Variants in EPHA6 observed in about 807,000 individuals in gnomAD.
The protein encoded by EPHA6 is ephrin type-A receptor 6.
Under a neutral mutation model 112.0 loss-of-function variants are expected in EPHA6, and 50 were observed. The ratio of observed to expected loss-of-function variants is 0.45; its 90% CI spans 0.36 to 0.56. The LOEUF (loss-of-function observed/expected upper bound fraction) is 0.56, where lower values mean the gene tolerates loss of function less well. Among genes scored for constraint, EPHA6 ranks in the 20% least tolerant of loss-of-function variants. The pLI is 0.00. For synonymous variants in EPHA6, 529 were observed against 490.7 expected, an observed-to-expected ratio of 1.08 and a Z score of -1.03; for missense variants, 1,280 against 1,417.4, an observed-to-expected ratio of 0.90 and a Z score of 1.56.
chr3:97,644,728 A>C (rs2094042324), intron 14 of EPHA6, among the ~76,000 whole-genome samples: 1 of 150,814 alleles, frequency 6.6e-6, no homozygotes. Flanking sequence ...CTCTCCCAAG[A>C]CTAAACCAGG....
chr3:97,423,925 A>T (rs1466134468), intron 6 of EPHA6, among the ~76,000 whole-genome samples: 1 of 152,184 alleles, frequency 6.6e-6, no homozygotes, highest in East Asian at 1.9e-4. Context: ...TCAATCAATG[A>T]TGCAGAAATA....
At chr3:97,555,329 T>G (rs2093090100) in intron 11 of EPHA6, among the ~76,000 whole-genome samples, 1 of 152,120 alleles carries the variant, frequency 6.6e-6, no homozygotes, top group African/African-American at 2.4e-5. Flanking sequence ...CAGTCTATCA[T>G]TGTTGGACAT....
intron 14 of EPHA6, among the ~76,000 whole-genome samples, chr3:97,701,455 T>G (rs144299981): frequency 6.6e-6 from 1 of 152,202 alleles, no homozygotes; most frequent in Non-Finnish European, 1.5e-5. Flanking sequence ...TGAATTGGAG[T>G]GCATTAACAG....
At chr3:97,549,196 T>C (rs1465051851) in intron 11 of EPHA6, among the ~76,000 whole-genome samples, 1 of 152,220 alleles carries the variant, frequency 6.6e-6, no homozygotes, top group African/African-American at 2.4e-5. Context: ...CTATGTGGTT[T>C]ATGCCAGCAG....
intron 5 of EPHA6, among the ~76,000 whole-genome samples, chr3:97,377,659 G>A (rs2085450489): frequency 6.6e-6 from 1 of 152,152 alleles, no homozygotes; most frequent in South Asian, 2.1e-4. Flanking sequence ...AGGCTGAGTT[G>A]GTCTCAGATG....
chr3:97,181,519 A>G (rs541893945), intron 3 of EPHA6, among the ~76,000 whole-genome samples: 2 of 152,168 alleles, frequency 1.3e-5, no homozygotes, highest in East Asian at 1.9e-4. Context: ...ACGGTGCACA[A>G]TAATTCTTGT....
chr3:96,931,385 G>A (rs2040318906), intron 2 of EPHA6, among the ~76,000 whole-genome samples: 1 of 152,136 alleles, frequency 6.6e-6, no homozygotes, highest in South Asian at 2.1e-4. Flanking sequence ...GGCTGAGATG[G>A]CTGAGTCCAC....
intron 14 of EPHA6, among the ~76,000 whole-genome samples, chr3:97,662,074 T>C (rs1212496260): frequency 6.6e-6 from 1 of 152,164 alleles, no homozygotes; most frequent in African/African-American, 2.4e-5. Flanking sequence ...AGTGACCCTT[T>C]GTAGCTCAAA....
chr3:97,298,256 ATGAG>A (rs2080949741), intron 5 of EPHA6, among the ~76,000 whole-genome samples: 1 of 152,154 alleles, frequency 6.6e-6, no homozygotes, highest in Admixed American at 6.6e-5. Context: ...AAACCTAGAG[ATGAG>A]TGAGTTTCAA....
intron 3 of EPHA6, among the ~76,000 whole-genome samples, chr3:97,169,509 A>G (rs1412109321): frequency 1.3e-5 from 2 of 152,062 alleles, no homozygotes; most frequent in East Asian, 3.9e-4. Flanking sequence ...TATTATTAGT[A>G]TCTTGTATGT....
intron 5 of EPHA6, among the ~76,000 whole-genome samples, chr3:97,259,220 G>A (rs1002747269): frequency 3.3e-5 from 5 of 151,788 alleles, no homozygotes; most frequent in Non-Finnish European, 7.4e-5. Flanking sequence ...CACTATATCT[G>A]GTTCAAGTTG....
Position 97,720,223 on chromosome 3 carries a change from C to T in EPHA6, c.2785-38C>T, listed in dbSNP as rs536713190. On this transcript the variant is annotated intron_variant, in intron 14 of 17. Coordinates refer to ENST00000389672, the MANE Select transcript of EPHA6 (RefSeq NM_001080448.3). ...GAATACCATTTTGTTTTTAATACAA[C>T]GATAAGCCAGCTAAGAAATCTCCAA... The T allele has an allele frequency of 3.3e-5, 50 of 1,503,312 alleles. 1 individual carries two copies. Among genetic ancestry groups the T allele is most frequent in the South Asian group, 9.8e-5 (7 of 71,086 alleles). The allele number at this position is 1,503,312 out of a possible 1,614,324, so 93.1% of individuals were successfully genotyped here. A position where few individuals can be genotyped will look rare whatever the true frequency, so the allele number is the denominator to read the frequency against.
chr3:97,241,893 A>G (rs983002327), intron 4 of EPHA6, among the ~76,000 whole-genome samples: 9 of 151,550 alleles, frequency 5.9e-5, no homozygotes, highest in African/African-American at 2.2e-4. Flanking sequence ...TCCATTATAA[A>G]TAAGAGAAAA....
intron 10 of EPHA6, among the ~76,000 whole-genome samples, chr3:97,502,677 C>T (rs1250558401): frequency 6.7e-6 from 1 of 150,130 alleles, no homozygotes; most frequent in African/African-American, 2.5e-5. Flanking sequence ...TACTAAAATA[C>T]AAAAAAATTA....
chr3:97,095,027 C>G (rs926145805), intron 3 of EPHA6, among the ~76,000 whole-genome samples: 4 of 151,890 alleles, frequency 2.6e-5, no homozygotes, highest in African/African-American at 9.7e-5. Context: ...TCCCCATCGC[C>G]TATGATTAGT....
chr3:97,050,208 C>A (rs552615924), intron 3 of EPHA6, among the ~76,000 whole-genome samples: 3 of 152,076 alleles, frequency 2.0e-5, no homozygotes, highest in Admixed American at 2.0e-4. Flanking sequence ...ATGGTGGGAA[C>A]CCTCCAAAAA....
chr3:97,273,275 A>G (rs557951685), intron 5 of EPHA6, among the ~76,000 whole-genome samples: 1 of 152,210 alleles, frequency 6.6e-6, no homozygotes, highest in Non-Finnish European at 1.5e-5. Context: ...AAGTGTTAAG[A>G]GTGGCAGTTT....
At chr3:97,353,849 G>A (rs1004140899) in intron 5 of EPHA6, among the ~76,000 whole-genome samples, 3 of 152,196 alleles carry the variant, frequency 2.0e-5, no homozygotes, top group African/African-American at 7.2e-5. Context: ...CTTCAGGTAA[G>A]ACTCAGCATA....
chr3:96,857,954 T>C (rs1047098932), intron 1 of EPHA6, among the ~76,000 whole-genome samples: 12 of 152,222 alleles, frequency 7.9e-5, no homozygotes, highest in Admixed American at 3.3e-4. Context: ...GAATAGAATT[T>C]AGTTGGCTGC....
Sources: allele counts gnomAD v4.1 joint callset (sites outside exome capture counted in the v4.1 genomes callset), GRCh38; gene constraint gnomAD v4.1.1; transcripts MANE v1.5; gene names NCBI Gene and HGNC (gene_info 2026-07-23, HGNC 2026-07-21).